Variants in ANKRD30A observed in about 807,000 individuals in gnomAD.
ANKRD30A encodes ankyrin repeat domain-containing protein 30A.
ANKRD30A carries 170 observed loss-of-function variants against 166.3 expected under a neutral mutation model. That is an observed-to-expected ratio of 1.02 (90% CI 0.90 to 1.16). The LOEUF (loss-of-function observed/expected upper bound fraction) is 1.16. Among genes scored for constraint, ANKRD30A ranks in the 50% most tolerant of loss-of-function variants. The probability of loss-of-function intolerance (pLI) is 0.00; values close to 1 mark genes in which losing one functional copy is unlikely to be tolerated. For missense variants in ANKRD30A, 1,630 were observed against 1,518.0 expected, an observed-to-expected ratio of 1.07 and a Z score of -1.23; for synonymous variants, 564 against 508.9, an observed-to-expected ratio of 1.11 and a Z score of -1.46.
chr10:37,217,345 A>C (rs1842656503), intron 32 of ANKRD30A, among the ~76,000 whole-genome samples: 1 of 151,024 alleles, frequency 6.6e-6, no homozygotes, highest in African/African-American at 2.4e-5. Flanking sequence ...AGTTAACTCT[A>C]AATAATCTGT....
chr10:37,157,125 A>G (rs942070282), intron 13 of ANKRD30A, among the ~76,000 whole-genome samples: 1 of 152,196 alleles, frequency 6.6e-6, no homozygotes, highest in Non-Finnish European at 1.5e-5. Context: ...AAGACATGAG[A>G]TCTATTTCTA....
intron 9 of ANKRD30A, among the ~76,000 whole-genome samples, chr10:37,149,208 C>G (rs1340300422): frequency 6.6e-6 from 1 of 151,958 alleles, no homozygotes; most frequent in East Asian, 1.9e-4. Flanking sequence ...CTGATCAATT[C>G]ATAACACTTC....
chr10:37,204,183 G>A (rs150500339), intron 31 of ANKRD30A, among the ~76,000 whole-genome samples: 1,721 of 152,150 alleles, frequency 0.011, 33 homozygotes, highest in African/African-American at 0.04. Context: ...GTGCCAAGAC[G>A]ATCCTAAGCC....
the ANKRD30A span, among the ~76,000 whole-genome samples, chr10:37,251,645 CAG>C: frequency 1.3e-5 from 2 of 152,130 alleles, no homozygotes; most frequent in Non-Finnish European, 2.9e-5. Context: ...GCCATCCATG[CAG>C]AGAGCCTCAA....
chr10:37,204,390 G>A (rs1841847376), intron 31 of ANKRD30A, among the ~76,000 whole-genome samples: 1 of 152,144 alleles, frequency 6.6e-6, no homozygotes, highest in South Asian at 2.1e-4. Context: ...TTTAATAAAT[G>A]GTGCTGGGAA....
chr10:37,192,917 A>G (rs55952679), intron 25 of ANKRD30A, 147 bp from the exon 26 acceptor site: 106 of 1,478,446 alleles, frequency 7.2e-5, no homozygotes, highest in South Asian at 2.1e-4. Context: ...GATAACAAAT[A>G]CAGTAACCCA....
intron 25 of ANKRD30A, among the ~76,000 whole-genome samples, chr10:37,192,488 TA>T (rs148627035): frequency 0.013 from 1,963 of 152,186 alleles, 67 homozygotes; most frequent in African/African-American, 0.045. Flanking sequence ...TATTAACTTT[TA>T]TTCTATAAGT....
intron 33 of ANKRD30A, among the ~76,000 whole-genome samples, chr10:37,218,437 A>G (rs1842711256): frequency 6.6e-6 from 1 of 150,954 alleles, no homozygotes; most frequent in South Asian, 2.1e-4. Context: ...GAATTGTGAT[A>G]ACTAAAAGTG....
At chr10:37,213,318 C>T (rs1221598339) in intron 31 of ANKRD30A, among the ~76,000 whole-genome samples, 1 of 151,786 alleles carries the variant, frequency 6.6e-6, no homozygotes, top group African/African-American at 2.4e-5. Context: ...TGTGTCTTCA[C>T]ATGGCAGAAA....
intron 13 of ANKRD30A, among the ~76,000 whole-genome samples, chr10:37,157,788 G>T (rs1838499390): frequency 6.6e-6 from 1 of 152,062 alleles, no homozygotes; most frequent in Non-Finnish European, 1.5e-5. Flanking sequence ...TTTCACAGAG[G>T]TACAAAAATG....
intron 11 of ANKRD30A, among the ~76,000 whole-genome samples, chr10:37,150,452 C>T (rs1024984349): frequency 6.6e-6 from 1 of 152,052 alleles, no homozygotes; most frequent in African/African-American, 2.4e-5. Context: ...TTTCCTAAAA[C>T]TGTAATTCTG....
intron 34 of ANKRD30A, 71 bp downstream of exon 34, chr10:37,219,968 C>G (rs529493887): frequency 1.9e-6 from 2 of 1,040,390 alleles, no homozygotes. Context: ...TTGGCCTTGG[C>G]TAAATGCTGA....
intron 34 of ANKRD30A, among the ~76,000 whole-genome samples, chr10:37,221,579 T>C (rs1384427687): frequency 6.6e-6 from 1 of 151,370 alleles, no homozygotes; most frequent in Non-Finnish European, 1.5e-5. Flanking sequence ...TTATATGTCA[T>C]TATAGTTAGT....
At chr10:37,167,061 T>A (rs974979970) in intron 19 of ANKRD30A, among the ~76,000 whole-genome samples, 1 of 151,898 alleles carries the variant, frequency 6.6e-6, no homozygotes, top group African/African-American at 2.4e-5. Context: ...AATGAAATGA[T>A]TGTTTAGGAA....
rs764725628 is a variant in ANKRD30A at position 37,126,038 on chromosome 10, A to G, written c.221+30A>G. On this transcript the variant is annotated intron_variant, in intron 1 of 35. Transcript: ENST00000361713. ...CAGGCCCTGCCTGAGCCGGGGCTGC[A>G]GGAGGAGGTGGGGGCGGTGGGAGGA... The G allele has an allele frequency of 1.8e-5, 22 of 1,242,034 alleles. No homozygotes were observed. In the African/African-American group the frequency reaches 2.3e-4, roughly 13 times the overall value. The allele number at this position is 1,242,034 out of a possible 1,614,324, so 76.9% of individuals were successfully genotyped here. A position where few individuals can be genotyped will look rare whatever the true frequency, so the allele number is the denominator to read the frequency against.
chr10:37,151,271 G>T (rs1054304289), intron 11 of ANKRD30A, among the ~76,000 whole-genome samples: 1 of 152,028 alleles, frequency 6.6e-6, no homozygotes, highest in African/African-American at 2.4e-5. Context: ...TTCATTTTCT[G>T]TCTCATGTTC....
chr10:37,204,860 A>C (rs1841885098), intron 31 of ANKRD30A, among the ~76,000 whole-genome samples: 1 of 152,168 alleles, frequency 6.6e-6, no homozygotes, highest in South Asian at 2.1e-4. Flanking sequence ...CCTCATCATC[A>C]CCTGTCATCA....
chr10:37,141,563 ACT>A (rs1400997533), intron 6 of ANKRD30A, among the ~76,000 whole-genome samples, 153 bp from the exon 7 acceptor site: 1 of 125,130 alleles, frequency 8.0e-6, no homozygotes, highest in African/African-American at 3.1e-5. Flanking sequence ...ACTGAGTGAG[ACT>A]CTGTCTCAAA....
intron 31 of ANKRD30A, among the ~76,000 whole-genome samples, chr10:37,212,458 C>A (rs916553720): frequency 6.6e-6 from 1 of 151,880 alleles, no homozygotes; most frequent in Admixed American, 6.6e-5. Context: ...GGTAATTTAT[C>A]GATTCAATGC....
Sources: allele counts gnomAD v4.1 joint callset (sites outside exome capture counted in the v4.1 genomes callset), GRCh38; gene constraint gnomAD v4.1.1; transcripts MANE v1.5; gene names NCBI Gene and HGNC (gene_info 2026-07-23, HGNC 2026-07-21).